Variants in ANTXRL observed in about 807,000 individuals in gnomAD.
ANTXRL encodes anthrax toxin receptor-like.
Under a neutral mutation model 75.4 loss-of-function variants are expected in ANTXRL, and 63 were observed. The ratio of observed to expected loss-of-function variants is 0.84; its 90% CI spans 0.68 to 1.03. The LOEUF is 1.03. Among genes scored for constraint, ANTXRL ranks in the 50% least tolerant of loss-of-function variants. ANTXRL has a pLI of 0.00. For missense variants in ANTXRL, 797 were observed against 789.4 expected, an observed-to-expected ratio of 1.01 and a Z score of -0.12; for synonymous variants, 335 against 291.3, an observed-to-expected ratio of 1.15 and a Z score of -1.53.
chr10:46,312,518 C>A (rs1838488360), intron 15 of ANTXRL, among the ~76,000 whole-genome samples: 1 of 147,252 alleles, frequency 6.8e-6, no homozygotes, highest in Admixed American at 6.8e-5. Flanking sequence ...TGTCTGTGGT[C>A]GGATCTCTTG....
chr10:46,309,294 C>T, intron 13 of ANTXRL, 92 bp downstream of exon 13: 1 of 1,523,542 alleles, frequency 6.6e-7, no homozygotes, highest in Non-Finnish European at 8.8e-7. Flanking sequence ...GTGATCCCGC[C>T]TGTGGGAAGT....
At chr10:46,299,534 TC>T (rs1837590141) in intron 9 of ANTXRL, among the ~76,000 whole-genome samples, 1 of 151,946 alleles carries the variant, frequency 6.6e-6, no homozygotes, top group African/African-American at 2.4e-5. Flanking sequence ...CTGGGTGTCC[TC>T]CCTTCATCAC....
intron 16 of ANTXRL, among the ~76,000 whole-genome samples, chr10:46,319,078 C>T (rs1185261497): frequency 2.6e-5 from 4 of 152,248 alleles, no homozygotes; most frequent in Admixed American, 6.5e-5. Context: ...AAGTATACTC[C>T]GCAGTTGGGT....
At chr10:46,312,520 G>T (rs1838488687) in intron 15 of ANTXRL, among the ~76,000 whole-genome samples, 1 of 147,208 alleles carries the variant, frequency 6.8e-6, no homozygotes, top group Non-Finnish European at 1.5e-5. Context: ...TCTGTGGTCG[G>T]ATCTCTTGCT....
intron 2 of ANTXRL, among the ~76,000 whole-genome samples, chr10:46,293,615 G>T (rs1431030812): frequency 6.6e-6 from 1 of 151,908 alleles, no homozygotes; most frequent in Non-Finnish European, 1.5e-5. Context: ...TTGGGAGTGT[G>T]GGGATGCAGT....
At chr10:46,313,917 C>G (rs1158929385) in intron 16 of ANTXRL, among the ~76,000 whole-genome samples, 1 of 152,202 alleles carries the variant, frequency 6.6e-6, no homozygotes, top group Non-Finnish European at 1.5e-5. Flanking sequence ...CCTGCCCTTA[C>G]TCTGCACTGC....
At chr10:46,289,697 C>G (rs1836903656) in intron 1 of ANTXRL, among the ~76,000 whole-genome samples, 1 of 152,172 alleles carries the variant, frequency 6.6e-6, no homozygotes, top group African/African-American at 2.4e-5. Flanking sequence ...CCACTGCACT[C>G]CATCCTGGGC....
chr10:46,301,952 G>A (rs547278649), intron 9 of ANTXRL, among the ~76,000 whole-genome samples: 5 of 152,182 alleles, frequency 3.3e-5, no homozygotes, highest in African/African-American at 7.2e-5. Flanking sequence ...GGGTCCAGCC[G>A]TCACCTGCAT....
rs550124345 is a variant in ANTXRL at position 46,302,158 on chromosome 10, C to T, written c.797-564C>T. On this transcript the variant is annotated intron_variant, in intron 9 of 16. Transcript: ENST00000620264. ...TTCCCTTGAGCAGGGTCCTAGGTGGCTCGCCTGCCCCACCTGAGTCCTGGC... is the reference window on the plus strand; with the variant it reads ...TTCCCTTGAGCAGGGTCCTAGGTGGTTCGCCTGCCCCACCTGAGTCCTGGC... 7.9e-4 allele frequency among the ~76,000 whole-genome samples: 120 copies of T among 152,312 alleles called. 1 individual carries two copies. The highest frequency in any genetic ancestry group is 2.5e-4 in the Non-Finnish European group (17 of 68,020).
At chr10:46,307,981 C>G (rs782596387) in intron 12 of ANTXRL, among the ~76,000 whole-genome samples, 2 of 152,170 alleles carry the variant, frequency 1.3e-5, no homozygotes, top group Non-Finnish European at 2.9e-5. Context: ...CACTCGGACC[C>G]GAGCTCAGCT....
intron 9 of ANTXRL, among the ~76,000 whole-genome samples, chr10:46,301,207 G>A (rs1411287741): frequency 2.0e-5 from 3 of 152,244 alleles, no homozygotes; most frequent in Non-Finnish European, 4.4e-5. Flanking sequence ...CTAGTGTCTG[G>A]CTGGCCAGGG....
At chr10:46,299,951 CG>C (rs1313360316) in intron 9 of ANTXRL, among the ~76,000 whole-genome samples, 3 of 152,188 alleles carry the variant, frequency 2.0e-5, no homozygotes, top group Admixed American at 6.5e-5. Context: ...TCCTCCCCCT[CG>C]GGGTCTCTTT....
chr10:46,326,320 C>T (rs936226130), intron 16 of ANTXRL, among the ~76,000 whole-genome samples: 1 of 152,050 alleles, frequency 6.6e-6, no homozygotes, highest in Non-Finnish European at 1.5e-5. Flanking sequence ...CAGCAGGCCC[C>T]TGAGCCCCAC....
intron 1 of ANTXRL, 74 bp from the exon 2 acceptor site, chr10:46,291,984 C>T: frequency 7.1e-7 from 1 of 1,400,500 alleles, no homozygotes; most frequent in Non-Finnish European, 9.8e-7. Flanking sequence ...TGCTGGGAGG[C>T]TGGGGGCGGG....
At position 46,318,494 on chromosome 10, in the gene ANTXRL, C is replaced by T. The variant is rs116817696; in HGVS notation, c.1410+5178C>T. 8.5e-4 allele frequency among the ~76,000 whole-genome samples: 128 copies of T among 151,216 alleles called. 1 individual carries two copies. Among genetic ancestry groups the T allele is most frequent in the African/African-American group, 2.7e-3 (109 of 40,642 alleles). ...ACATTTTTAGGGAATTTGATCAAAA[C>T]GACAAGTTCACTCGAAAAAAATAGA... On this transcript the variant is annotated intron_variant, in intron 16 of 16. Coordinates refer to ENST00000620264, the MANE Select transcript of ANTXRL (RefSeq NM_001278688.3).
chr10:46,308,997 G>C, intron 12 of ANTXRL, 116 bp from the exon 13 acceptor site: 1 of 1,428,994 alleles, frequency 7.0e-7, no homozygotes, highest in Middle Eastern at 1.8e-4. Flanking sequence ...CCCCACTGTA[G>C]TACCCGGATG....
Position 46,292,094 on chromosome 10 carries a change from T to C in ANTXRL, c.285T>C (p.Tyr95=), listed in dbSNP as rs1837014872. The change falls in exon 2 of 17, where the codon TAT becomes TAC. Residue 95 remains tyrosine (Y), a synonymous_variant. Coordinates refer to ENST00000620264, the MANE Select transcript of ANTXRL (RefSeq NM_001278688.3). ...GSVNNNWIDL[Y]MWVEETVARF... is the part of the protein sequence containing the mutation. ...TGAACAATAACTGGATTGACCTTTA[T>C]ATGTGGGTGGAGGAAACAGTGGCGA... 1 of 1,536,312 alleles carries C rather than the reference T, an allele frequency of 6.5e-7. No homozygotes were observed. The highest frequency in any genetic ancestry group is 2.0e-5 in the Admixed American group (1 of 50,986).
At chr10:46,324,836 GA>G (rs1839139568) in intron 16 of ANTXRL, among the ~76,000 whole-genome samples, 1 of 152,132 alleles carries the variant, frequency 6.6e-6, no homozygotes, top group South Asian at 2.1e-4. Context: ...TCCCTCTGAG[GA>G]GAATTGTATG....
intron 16 of ANTXRL, among the ~76,000 whole-genome samples, chr10:46,326,842 G>C (rs1361730871): frequency 1.3e-5 from 2 of 152,140 alleles, no homozygotes; most frequent in Admixed American, 1.3e-4. Flanking sequence ...TCCAGGTGGA[G>C]GTCTGGGCCA....
Sources: allele counts gnomAD v4.1 joint callset (sites outside exome capture counted in the v4.1 genomes callset), GRCh38; gene constraint gnomAD v4.1.1; transcripts MANE v1.5; gene names NCBI Gene and HGNC (gene_info 2026-07-23, HGNC 2026-07-21).